LRRC37A2: variants seen among roughly 807,000 people sequenced by gnomAD.
LRRC37A2 encodes leucine-rich repeat-containing protein 37A2.
In LRRC37A2, 9 loss-of-function variants were observed where a neutral mutation model predicts 68.8. The ratio of observed to expected loss-of-function variants is 0.13; its 90% CI spans 0.08 to 0.23. LRRC37A2 has a LOEUF of 0.23. LRRC37A2 is among the 10% of genes least tolerant of loss of function. The pLI, the probability that LRRC37A2 is intolerant of heterozygous loss-of-function variation, is 1.00. For missense variants in LRRC37A2, 168 were observed against 950.4 expected, an observed-to-expected ratio of 0.18 and a Z score of 10.82; for synonymous variants, 63 against 367.6, an observed-to-expected ratio of 0.17 and a Z score of 9.48.
chr17:46,984,428 C>G, the LRRC37A2 span, among the ~76,000 whole-genome samples: 1 of 152,192 alleles, frequency 6.6e-6, no homozygotes, highest in Non-Finnish European at 1.5e-5. Context: ...CTGCCTCCCC[C>G]TGCTCTAGAG....
the LRRC37A2 span, chr17:46,755,193 C>A: frequency 1.4e-6 from 1 of 711,544 alleles, no homozygotes; most frequent in Non-Finnish European, 2.5e-6. Context: ...GCAGGTAACA[C>A]ATTCAGTGAC....
At chr17:46,722,267 G>A in the LRRC37A2 span, 6 of 1,006,704 alleles carry the variant, frequency 6.0e-6, no homozygotes, top group Non-Finnish European at 9.3e-6. Context: ...AATTTTGGGG[G>A]GAGTCTGTAA....
the LRRC37A2 span, among the ~76,000 whole-genome samples, chr17:46,839,957 T>TTTCTTTCTC: frequency 7.0e-5 from 10 of 142,396 alleles, no homozygotes; most frequent in African/African-American, 2.6e-4. Context: ...TCTTTCTTTC[T>TTTCTTTCTC]TTCTTTCTTT....
the LRRC37A2 span, chr17:46,930,428 A>G: frequency 1.3e-5 from 2 of 152,226 alleles, no homozygotes; most frequent in African/African-American, 4.8e-5. Flanking sequence ...GAAAGAGGTC[A>G]TTTTGACTGT....
At chr17:46,785,752 G>A in the LRRC37A2 span, among the ~76,000 whole-genome samples, 1 of 152,236 alleles carries the variant, frequency 6.6e-6, no homozygotes, top group South Asian at 2.1e-4. Context: ...CAAGGGTTTG[G>A]CCACAGACTA....
chr17:46,927,628 T>C, the LRRC37A2 span, among the ~76,000 whole-genome samples: 1 of 152,246 alleles, frequency 6.6e-6, no homozygotes, highest in Non-Finnish European at 1.5e-5. Context: ...GCATTTATTG[T>C]AGTCCCTTCT....
the LRRC37A2 span, among the ~76,000 whole-genome samples, chr17:47,015,581 T>C: frequency 6.6e-6 from 1 of 152,158 alleles, no homozygotes; most frequent in Admixed American, 6.5e-5. Context: ...AATGCATGAC[T>C]GCATATGAAA....
At chr17:46,833,470 C>T in the LRRC37A2 span, 1 of 489,924 alleles carries the variant, frequency 2.0e-6, no homozygotes, top group Non-Finnish European at 4.1e-6. Context: ...GGACAGCCAA[C>T]CCACCCCGAC....
chr17:46,993,095 T>G, the LRRC37A2 span, among the ~76,000 whole-genome samples: 1 of 151,660 alleles, frequency 6.6e-6, no homozygotes, highest in Admixed American at 6.6e-5. Context: ...TTTTTGCTTA[T>G]CTGTATTTTT....
At chr17:46,760,069 A>G in the LRRC37A2 span, among the ~76,000 whole-genome samples, 1 of 152,154 alleles carries the variant, frequency 6.6e-6, no homozygotes. Context: ...GGAGTTTGAG[A>G]CCAGTGGGCA....
chr17:46,933,958 C>T, the LRRC37A2 span, among the ~76,000 whole-genome samples: 31 of 148,002 alleles, frequency 2.1e-4, no homozygotes, highest in Non-Finnish European at 1.5e-4. Context: ...AAAAAAAACA[C>T]GAAACAAACC....
the LRRC37A2 span, chr17:46,728,945 A>T: frequency 4.7e-6 from 7 of 1,478,536 alleles, no homozygotes; most frequent in East Asian, 1.6e-4. Context: ...GTAAAATAAT[A>T]CTACTAATAA....
At chr17:46,455,906 A>G in the LRRC37A2 span, among the ~76,000 whole-genome samples, 5 of 107,972 alleles carry the variant, frequency 4.6e-5, no homozygotes, top group African/African-American at 1.4e-4. Context: ...ACTGTACCCA[A>G]TATTAGTTTT....
At chr17:46,875,011 C>G in the LRRC37A2 span, 1 of 1,600,084 alleles carries the variant, frequency 6.2e-7, no homozygotes, top group Non-Finnish European at 8.6e-7. Context: ...CCGCCTCTGG[C>G]CCTCAGAGGG....
At chr17:46,712,605 C>T in the LRRC37A2 span, among the ~76,000 whole-genome samples, 10 of 152,108 alleles carry the variant, frequency 6.6e-5, no homozygotes, top group Admixed American at 2.6e-4. Context: ...GTTGAGCAGC[C>T]TGTTGGATAT....
the LRRC37A2 span, chr17:47,018,277 A>C: frequency 3.8e-5 from 62 of 1,611,472 alleles, 1 homozygote; most frequent in South Asian, 6.8e-4. Flanking sequence ...GAGCAGCAGC[A>C]GCCAGTTCAG....
the LRRC37A2 span, among the ~76,000 whole-genome samples, chr17:46,816,045 T>C: frequency 6.6e-6 from 1 of 152,006 alleles, no homozygotes; most frequent in Non-Finnish European, 1.5e-5. Flanking sequence ...CCATGAGCAC[T>C]GATATTCATG....
chr17:46,569,216 G>A, the LRRC37A2 span, among the ~76,000 whole-genome samples: 3 of 151,666 alleles, frequency 2.0e-5, no homozygotes, highest in Non-Finnish European at 4.4e-5. Flanking sequence ...CCAAAGTGCT[G>A]GGATTACAGG....
At chr17:46,848,520 T>TG in the LRRC37A2 span, among the ~76,000 whole-genome samples, 3 of 152,262 alleles carry the variant, frequency 2.0e-5, no homozygotes, top group Non-Finnish European at 4.4e-5. Flanking sequence ...TCCCAAGGGC[T>TG]GCTCTTCATG....
Sources: allele counts gnomAD v4.1 joint callset (sites outside exome capture counted in the v4.1 genomes callset), GRCh38; gene constraint gnomAD v4.1.1; transcripts MANE v1.5; gene names NCBI Gene and HGNC (gene_info 2026-07-23, HGNC 2026-07-21).